Variants in ATE1 observed in about 807,000 individuals in gnomAD.
ATE1 encodes arginyltransferase 1, also known as arginyl-tRNA--protein transferase 1.
ATE1 carries 36 observed loss-of-function variants against 70.5 expected under a neutral mutation model. The observed-to-expected ratio is 0.51, with a 90% confidence interval of 0.39 to 0.67. The LOEUF (loss-of-function observed/expected upper bound fraction) is 0.67, where lower values mean the gene tolerates loss of function less well. Among genes scored for constraint, ATE1 ranks in the 30% least tolerant of loss-of-function variants. The pLI is 0.00. For synonymous variants in ATE1, 232 were observed against 219.3 expected (o/e 1.06, Z -0.51); for missense variants, 593 against 629.5 (o/e 0.94, Z 0.62).
At position 121,797,131 on chromosome 10, in the gene ATE1, T is replaced by G. The variant is rs78862094; in HGVS notation, c.1258-6842A>C. Among the ~76,000 whole-genome samples the G allele has an allele frequency of 5.9e-3, 897 of 152,364 alleles. 5 individuals carry two copies. Among genetic ancestry groups the G allele is most frequent in the African/African-American group, 0.016 (673 of 41,592 alleles). On this transcript the variant is annotated intron_variant, in intron 10 of 11. Transcript: ENST00000224652. ...TTGGATTTCACAATTAGTAATAATT[T>G]CAGCAGAGATACTTTAAAGTCGACG...
intron 11 of ATE1, among the ~76,000 whole-genome samples, chr10:121,753,284 A>T (rs1245220662): frequency 1.3e-5 from 2 of 152,088 alleles, no homozygotes; most frequent in Non-Finnish European, 2.9e-5. Flanking sequence ...TTCCTTTCCA[A>T]TCTGAATGCC....
chr10:121,851,292 T>C (rs577607583), intron 8 of ATE1, among the ~76,000 whole-genome samples: 1 of 151,874 alleles, frequency 6.6e-6, no homozygotes, highest in South Asian at 2.1e-4. Flanking sequence ...TGGTGGCACA[T>C]GCCTGTACTC....
rs1951460812 is a variant in ATE1, at chr10:121,912,090, C to T, written c.338-939G>A. 6.6e-5 allele frequency among the ~76,000 whole-genome samples: 10 copies of T among 152,082 alleles called. No individual in the cohort carries two copies. The South Asian group carries it at 2.1e-3, about 32-fold the overall frequency. On this transcript the variant is annotated intron_variant, in intron 4 of 11. Coordinates refer to ENST00000224652, the MANE Select transcript of ATE1 (RefSeq NM_001001976.3). Reference sequence around the variant, plus strand: ...TAATTTTAGAGAAGACAGGGTTTCACCGTGTAAGCCAGGATGGTCTTGATC... The same window carrying T: ...TAATTTTAGAGAAGACAGGGTTTCATCGTGTAAGCCAGGATGGTCTTGATC...
chr10:121,756,859 G>A (rs976614092), intron 11 of ATE1, among the ~76,000 whole-genome samples: 6 of 152,118 alleles, frequency 3.9e-5, no homozygotes, highest in East Asian at 1.9e-4. Context: ...GAAGACCTCT[G>A]GCATAACCTG....
intron 1 of ATE1, chr10:121,927,458 C>T (rs575888551): frequency 1.0e-6 from 1 of 985,188 alleles, no homozygotes; most frequent in Non-Finnish European, 1.2e-6. Context: ...CCCTCTGCAC[C>T]GCGTTTCGCC....
chr10:121,875,175 T>C (rs957033367), intron 7 of ATE1, among the ~76,000 whole-genome samples: 1 of 150,192 alleles, frequency 6.7e-6, no homozygotes, highest in East Asian at 1.9e-4. Context: ...AAAAATCTTA[T>C]TTACACTCCA....
intron 8 of ATE1, among the ~76,000 whole-genome samples, chr10:121,848,239 C>T (rs1948911609): frequency 6.6e-6 from 1 of 152,120 alleles, no homozygotes; most frequent in South Asian, 2.1e-4. Context: ...TCTTCCATAA[C>T]TTCAATGTAG....
intron 10 of ATE1, among the ~76,000 whole-genome samples, chr10:121,794,661 T>TAAAAAAAAAAAAAAAAA (rs374044559): frequency 1.5e-5 from 1 of 65,732 alleles, no homozygotes; most frequent in African/African-American, 6.4e-5. Context: ...GAATGTCTGG[T>TAAAAAAAAAAAAAAAAA]AAAAAAAAAA....
At chr10:121,884,805 C>G (rs774084872) in intron 7 of ATE1, among the ~76,000 whole-genome samples, 4 of 152,186 alleles carry the variant, frequency 2.6e-5, no homozygotes, top group Non-Finnish European at 4.4e-5. Flanking sequence ...GTCTTTACTA[C>G]TATTAGTAAT....
intron 8 of ATE1, among the ~76,000 whole-genome samples, chr10:121,863,887 T>A (rs1211076341): frequency 1.3e-5 from 2 of 152,232 alleles, no homozygotes; most frequent in African/African-American, 4.8e-5. Context: ...TTGCTAGGAT[T>A]ACAGGCATAA....
chr10:121,824,424 G>C (rs1413715360), intron 10 of ATE1, among the ~76,000 whole-genome samples: 2 of 152,184 alleles, frequency 1.3e-5, no homozygotes, highest in Non-Finnish European at 2.9e-5. Context: ...GGTTTCAGTA[G>C]TGCATGATTT....
intron 11 of ATE1, among the ~76,000 whole-genome samples, chr10:121,775,592 T>A (rs1424321383): frequency 6.6e-6 from 1 of 152,258 alleles, no homozygotes; most frequent in Non-Finnish European, 1.5e-5. Context: ...TTACAAGTGA[T>A]GTTTCTTACC....
At chr10:121,887,483 G>A (rs1396951710) in intron 7 of ATE1, among the ~76,000 whole-genome samples, 5 of 152,132 alleles carry the variant, frequency 3.3e-5, no homozygotes, top group African/African-American at 4.8e-5. Flanking sequence ...GTTGAGGCAG[G>A]AGGATCAGGT....
chr10:121,877,023 A>G lies in ATE1; in HGVS notation c.943-6985T>C, dbSNP rs145960318. 2.3e-3 allele frequency among the ~76,000 whole-genome samples: 350 copies of G among 152,238 alleles called. 1 individual carries two copies. The highest frequency in any genetic ancestry group is 8.2e-3 in the African/African-American group (339 of 41,542). Reference sequence around the variant, plus strand: ...AACATTATCAGCAGCAAACAAAATCATCATAAACAGAGTTCATATAAAATC... The same window carrying G: ...AACATTATCAGCAGCAAACAAAATCGTCATAAACAGAGTTCATATAAAATC... On this transcript the variant is annotated intron_variant, in intron 7 of 11. Coordinates refer to ENST00000224652, the MANE Select transcript of ATE1 (RefSeq NM_001001976.3).
chr10:121,827,247 C>T (rs932498603), intron 10 of ATE1, among the ~76,000 whole-genome samples: 1 of 151,962 alleles, frequency 6.6e-6, no homozygotes, highest in African/African-American at 2.4e-5. Flanking sequence ...CTCTTGACCT[C>T]GTGATCCACC....
At chr10:121,815,931 T>C (rs1345251001) in intron 10 of ATE1, among the ~76,000 whole-genome samples, 1 of 152,134 alleles carries the variant, frequency 6.6e-6, no homozygotes, top group African/African-American at 2.4e-5. Context: ...GTAGCACACA[T>C]ACCCATCCCC....
At chr10:121,783,506 G>A (rs1260350105) in intron 11 of ATE1, among the ~76,000 whole-genome samples, 10 of 148,788 alleles carry the variant, frequency 6.7e-5, no homozygotes. Flanking sequence ...TCTTCCAACC[G>A]ATGGAGTCAT....
At chr10:121,759,632 G>A (rs1213111811) in intron 11 of ATE1, among the ~76,000 whole-genome samples, 2 of 151,670 alleles carry the variant, frequency 1.3e-5, no homozygotes, top group Non-Finnish European at 2.9e-5. Flanking sequence ...GCTGAGGCAG[G>A]AGACTGGCGT....
intron 7 of ATE1, among the ~76,000 whole-genome samples, chr10:121,871,649 A>AT (rs1482727783): frequency 1.3e-5 from 2 of 152,162 alleles, no homozygotes; most frequent in African/African-American, 4.8e-5. Flanking sequence ...TCACTAACAC[A>AT]TACCAAAGCC....
Sources: gnomAD v4.1 joint callset for allele counts (sites outside exome capture counted in the v4.1 genomes callset) on GRCh38, gnomAD v4.1.1 for gene constraint, MANE v1.5 for transcripts, NCBI Gene and HGNC (gene_info 2026-07-23, HGNC 2026-07-21) for gene names.